ME1: variants seen among roughly 807,000 people sequenced by gnomAD.
ME1 encodes the protein malic enzyme 1.
ME1 carries 74 observed loss-of-function variants against 66.4 expected under a neutral mutation model. The observed-to-expected ratio is 1.11, with a 90% CI of 0.92 to 1.35. The LOEUF is 1.35. Ranked by LOEUF, ME1 falls within the 40% of genes most tolerant of loss-of-function variation. ME1 has a pLI of 0.00. For synonymous variants in ME1, 251 were observed against 235.6 expected, an observed-to-expected ratio of 1.07 and a Z score of -0.60; for missense variants, 750 against 694.1, an observed-to-expected ratio of 1.08 and a Z score of -0.90.
chr6:83,419,649 T>A (rs2128553304), intron 1 of ME1, among the ~76,000 whole-genome samples: 1 of 152,350 alleles, frequency 6.6e-6, no homozygotes, highest in East Asian at 1.9e-4. Flanking sequence ...TATCTTATTT[T>A]TATAAAGCGA....
chr6:83,216,633 T>C, intron 12 of ME1, 37 bp from the exon 13 acceptor site: 1 of 1,400,366 alleles, frequency 7.1e-7, no homozygotes, highest in Non-Finnish European at 9.9e-7. Context: ...TGTTTATACT[T>C]CACACGATAC....
In ME1 at chr6:83,352,318, A is replaced by T. The variant is rs539457206; in HGVS notation, c.363-179T>A. Among the ~76,000 whole-genome samples, 7 of 152,240 alleles carry T rather than the reference A, an allele frequency of 4.6e-5. No homozygotes were observed. The East Asian group carries it at 1.3e-3, about 29-fold the overall frequency. ...CAGGAATTCTTATAAGTAAGGGAGA[A>T]ATTACTTGAAATAATATATTGACAT... On this transcript the variant is annotated intron_variant, in intron 3 of 13. Coordinates refer to ENST00000369705, the MANE Select transcript of ME1 (RefSeq NM_002395.6).
intron 3 of ME1, among the ~76,000 whole-genome samples, chr6:83,397,164 GCAGTCAGTCAA>G (rs1192423026): frequency 6.6e-6 from 1 of 152,150 alleles, no homozygotes; most frequent in Non-Finnish European, 1.5e-5. Context: ...GCTCAGCACA[GCAGTCAGTCAA>G]CAGAGTGAAG....
In ME1 at chr6:83,253,564, A is replaced by G. The variant is rs1458887604; in HGVS notation, c.814+65T>C. Reference sequence around the variant, plus strand: ...AGTATATATTGATTGAATTTGAATCATTATTACAATTATGAACTAATTTCA... The same window carrying G: ...AGTATATATTGATTGAATTTGAATCGTTATTACAATTATGAACTAATTTCA... On this transcript the variant is annotated intron_variant, in intron 7 of 13. Coordinates refer to ENST00000369705, the MANE Select transcript of ME1 (RefSeq NM_002395.6). 1.2e-5 allele frequency: 10 copies of G among 824,666 alleles called. No homozygotes were observed. In the East Asian group the frequency reaches 2.2e-4, roughly 18 times the overall value. The allele number at this position is 824,666 out of a possible 1,614,324, so 51.1% of individuals were successfully genotyped here. A position where few individuals can be genotyped will look rare whatever the true frequency, so the allele number is the denominator to read the frequency against.
At chr6:83,270,810 C>A (rs1441469799) in intron 6 of ME1, among the ~76,000 whole-genome samples, 2 of 152,098 alleles carry the variant, frequency 1.3e-5, no homozygotes, top group Non-Finnish European at 2.9e-5. Context: ...AAAGACTACA[C>A]ATGCAATTCT....
chr6:83,365,322 G>T (rs1244027311), intron 3 of ME1, among the ~76,000 whole-genome samples: 1 of 152,122 alleles, frequency 6.6e-6, no homozygotes, highest in African/African-American at 2.4e-5. Flanking sequence ...TTGAACTCCT[G>T]AGCTCAGGTG....
chr6:83,419,622 T>C lies in ME1; in HGVS notation c.78+11255A>G, dbSNP rs372764123. ...AGCCCAGACACAGAAGTGGCAGACA[T>C]ACTTTTCACATTATTATATCTTATT... is the stretch of plus-strand genomic sequence containing the variant. On this transcript the variant is annotated intron_variant, in intron 1 of 13. Transcript: ENST00000369705. Among the ~76,000 whole-genome samples, 56 of 152,338 alleles carry C rather than the reference T, an allele frequency of 3.7e-4. No individual in the cohort carries two copies. In the East Asian group the frequency reaches 8.5e-3, roughly 23 times the overall value.
In ME1 at chr6:83,211,826, C is replaced by G; in HGVS notation, c.*98G>C. The G allele has an allele frequency of 5.3e-6, 4 of 760,294 alleles. No individual in the cohort carries two copies. The highest frequency in any genetic ancestry group is 7.5e-6 in the Non-Finnish European group (4 of 531,120). 47.1% of individuals were successfully genotyped at this position (760,294 alleles called of 1,614,324 possible). On this transcript the variant is annotated 3_prime_UTR_variant, in exon 14 of 14. Coordinates refer to ENST00000369705, the MANE Select transcript of ME1 (RefSeq NM_002395.6). ...TAGACTGTTAAAGTAAAATCTTAATCTAAGTGTCTTATGAATCATTATAAA... is the reference window on the plus strand; with the variant it reads ...TAGACTGTTAAAGTAAAATCTTAATGTAAGTGTCTTATGAATCATTATAAA...
chr6:83,244,098 C>T lies in ME1; in HGVS notation c.815-4462G>A, dbSNP rs181755742. Among the ~76,000 whole-genome samples the T allele has an allele frequency of 4.0e-5, 6 of 151,568 alleles. No individual in the cohort carries two copies. In the East Asian group the frequency reaches 1.2e-3, roughly 29 times the overall value. ...TAACTGGAAGTTTACATACTCAATACGGAGACCCTCCAATCTTCTCCTACT... is the reference window on the plus strand; with the variant it reads ...TAACTGGAAGTTTACATACTCAATATGGAGACCCTCCAATCTTCTCCTACT... On this transcript the variant is annotated intron_variant, in intron 7 of 13. Coordinates refer to ENST00000369705, the MANE Select transcript of ME1 (RefSeq NM_002395.6).
chr6:83,221,457 T>G (rs1790090189), intron 12 of ME1, among the ~76,000 whole-genome samples: 2 of 152,110 alleles, frequency 1.3e-5, no homozygotes, highest in South Asian at 4.1e-4. Flanking sequence ...ATATGCATGG[T>G]GTGTTTGAAG....
chr6:83,296,079 C>A (rs575431624), intron 6 of ME1, among the ~76,000 whole-genome samples: 4 of 152,222 alleles, frequency 2.6e-5, no homozygotes, highest in African/African-American at 7.2e-5. Flanking sequence ...CAGATAAATT[C>A]TATCAAATGT....
At chr6:83,386,477 AC>A (rs1463535269) in intron 3 of ME1, among the ~76,000 whole-genome samples, 4 of 151,982 alleles carry the variant, frequency 2.6e-5, no homozygotes, top group South Asian at 4.1e-4. Context: ...ATCCAGGACT[AC>A]CTAAAGGTTT....
chr6:83,428,956 CA>C (rs931613642), intron 1 of ME1, among the ~76,000 whole-genome samples: 2 of 152,126 alleles, frequency 1.3e-5, no homozygotes, highest in Admixed American at 1.3e-4. Context: ...ACAGGAGTCA[CA>C]AGGATTGTTA....
chr6:83,430,821 G>T, intron 1 of ME1, 56 bp downstream of exon 1: 2 of 1,436,694 alleles, frequency 1.4e-6, no homozygotes, highest in Non-Finnish European at 1.9e-6. Flanking sequence ...CTGCAAGAGG[G>T]CCCTGACCCT....
rs58565679 is a variant in ME1 at position 83,249,375 on chromosome 6, C to T, written c.814+4254G>A. ...CCAAGTAGCTGGGACTAAGGGTATG[C>T]GCCACCATGCTGGGCTAATTTTTGT... On this transcript the variant is annotated intron_variant, in intron 7 of 13. Coordinates refer to ENST00000369705, the MANE Select transcript of ME1 (RefSeq NM_002395.6). Among the ~76,000 whole-genome samples the T allele has an allele frequency of 3.6e-3, 545 of 152,010 alleles. 2 individuals carry two copies. Among genetic ancestry groups the T allele is most frequent in the African/African-American group, 0.012 (488 of 41,482 alleles).
chr6:83,380,567 A>G (rs1388295461), intron 3 of ME1, among the ~76,000 whole-genome samples: 1 of 152,108 alleles, frequency 6.6e-6, no homozygotes, highest in Admixed American at 6.6e-5. Context: ...ACAATTTCTA[A>G]TGCTCAAAAA....
At chr6:83,416,967 C>G (rs932726559) in intron 1 of ME1, among the ~76,000 whole-genome samples, 1 of 151,230 alleles carries the variant, frequency 6.6e-6, no homozygotes, top group Non-Finnish European at 1.5e-5. Flanking sequence ...TGCCATGTTA[C>G]ATCTGTGGCA....
intron 3 of ME1, among the ~76,000 whole-genome samples, chr6:83,365,413 C>A (rs1156906650): frequency 6.6e-6 from 1 of 152,112 alleles, no homozygotes; most frequent in South Asian, 2.1e-4. Context: ...TGTTCTTAAC[C>A]CTGCCCAGTC....
chr6:83,398,169 G>C (rs34639488), intron 3 of ME1, among the ~76,000 whole-genome samples, 198 bp downstream of exon 3: 1 of 151,824 alleles, frequency 6.6e-6, no homozygotes, highest in African/African-American at 2.4e-5. Context: ...TGATATGAAT[G>C]TGAAATAATG....
Sources: gnomAD v4.1 joint callset for allele counts (sites outside exome capture counted in the v4.1 genomes callset) on GRCh38, gnomAD v4.1.1 for gene constraint, MANE v1.5 for transcripts, NCBI Gene and HGNC (gene_info 2026-07-23, HGNC 2026-07-21) for gene names.